Variants in KNTC1 observed in about 807,000 individuals in gnomAD.
KNTC1 encodes kinetochore associated 1.
KNTC1 carries 253 observed loss-of-function variants against 314.4 expected under a neutral mutation model. The observed-to-expected ratio is 0.80, with a 90% CI of 0.73 to 0.89. KNTC1 has a LOEUF of 0.89. Ranked by LOEUF, KNTC1 falls within the 40% of genes least tolerant of loss-of-function variation. The pLI is 0.00. For synonymous variants in KNTC1, 901 were observed against 901.4 expected, an observed-to-expected ratio of 1.00 and a Z score of 0.01; for missense variants, 2,475 against 2,572.9, an observed-to-expected ratio of 0.96 and a Z score of 0.82.
chr12:122,598,421 C>CTTTTTTTTTTTTTTT lies in KNTC1; in HGVS notation c.4563+486_4563+500dup, dbSNP rs11395342. On this transcript the variant is annotated intron_variant, in intron 44 of 63. Transcript: ENST00000333479. The stretch of plus-strand genomic sequence containing the variant: ...GAAATGTCTTTTTTCTTTTTCTTTT[C>CTTTTTTTTTTTTTTT]TTTTTTTTTTTTTTTTTGAGACAAG... 1.1e-3 allele frequency among the ~76,000 whole-genome samples: 142 copies of CTTTTTTTTTTTTTTT among 124,214 alleles called. 3 individuals carry two copies. The highest frequency in any genetic ancestry group is 1.5e-3 in the Non-Finnish European group (92 of 61,492). 81.5% of individuals were successfully genotyped at this position (124,214 alleles called of 152,430 possible).
chr12:122,613,273 A>G (rs1383706735), intron 54 of KNTC1, 43 bp downstream of exon 54: 2 of 1,316,800 alleles, frequency 1.5e-6, no homozygotes, highest in Admixed American at 1.8e-5. Context: ...TAGGAAACAG[A>G]TCATTTTTTG....
chr12:122,618,131 C>T (rs1340944888), intron 57 of KNTC1, among the ~76,000 whole-genome samples: 1 of 152,126 alleles, frequency 6.6e-6, no homozygotes, highest in East Asian at 1.9e-4. Flanking sequence ...ACCACCATGC[C>T]TGGCTAATTT....
At chr12:122,539,548 G>A in intron 4 of KNTC1, 128 bp from the exon 5 acceptor site, 1 of 627,868 alleles carries the variant, frequency 1.6e-6, no homozygotes, top group Non-Finnish European at 2.6e-6. Context: ...CATTTTAAAA[G>A]TAAGATGTTT....
intron 55 of KNTC1, 54 bp downstream of exon 55, chr12:122,613,815 G>GA: frequency 6.7e-7 from 1 of 1,503,418 alleles, no homozygotes; most frequent in Non-Finnish European, 8.9e-7. Context: ...TCAGAATCCT[G>GA]AAAGAGAAAA....
chr12:122,585,620 A>G lies in KNTC1; in HGVS notation c.3535-16A>G, dbSNP rs746248642. 61 of 1,612,044 alleles carry G rather than the reference A, an allele frequency of 3.8e-5. No individual in the cohort carries two copies. Among genetic ancestry groups the G allele is most frequent in the Middle Eastern group, 1.6e-4 (1 of 6,076 alleles). On this transcript the variant is annotated splice_polypyrimidine_tract_variant and intron_variant, in intron 36 of 63. Transcript: ENST00000333479. ...GCGTACTGAGTTCTCTCTTTTTTGTATGATTTGGCACCTAGGCTTCTTTTG... is the reference window on the plus strand; with the variant it reads ...GCGTACTGAGTTCTCTCTTTTTTGTGTGATTTGGCACCTAGGCTTCTTTTG...
In KNTC1 at chr12:122,573,131, T is replaced by C; in HGVS notation, c.2140-11T>C. On this transcript the variant is annotated splice_polypyrimidine_tract_variant and intron_variant, in intron 25 of 63. Transcript: ENST00000333479. ...AGTCTGTATTTATTCCATCTTTCTTTTGGCATCCAGGAAAATACAACCACC... is the reference window on the plus strand; with the variant it reads ...AGTCTGTATTTATTCCATCTTTCTTCTGGCATCCAGGAAAATACAACCACC... 1 of 1,613,814 alleles carries C rather than the reference T, an allele frequency of 6.2e-7. No individual in the cohort carries two copies. The highest frequency in any genetic ancestry group is 8.5e-7 in the Non-Finnish European group (1 of 1,179,846).
intron 44 of KNTC1, among the ~76,000 whole-genome samples, chr12:122,599,640 T>C (rs546452962): frequency 8.5e-5 from 13 of 152,296 alleles, no homozygotes; most frequent in African/African-American, 3.1e-4. Context: ...CATGAGCCAC[T>C]GTGCCCAGCC....
intron 13 of KNTC1, 60 bp from the exon 14 acceptor site, chr12:122,551,259 T>C: frequency 9.2e-7 from 1 of 1,092,880 alleles, no homozygotes; most frequent in Non-Finnish European, 1.4e-6. Flanking sequence ...GTTACTCTAG[T>C]AATTATAAAA....
rs1187145764 is a variant in KNTC1, at chr12:122,585,756, T to C, written c.3655T>C (p.Ser1219Pro). Residue 1219 changes from serine to proline, a missense_variant, in exon 37 of 64, where the codon TCT becomes CCT. Physicochemically the swap from Ser to Pro is moderately conservative, Grantham distance 74. Coordinates refer to ENST00000333479, the MANE Select transcript of KNTC1 (RefSeq NM_014708.6). ...VLPVIYELISSLVPLAESKRY... is the reference protein window; with the variant it reads ...VLPVIYELISPLVPLAESKRY... ...TCCAGTGATTTATGAACTGATTTCA[T>C]CTCTTGTGCCTCTAGCTGGTAAGTC... The C allele has an allele frequency of 6.2e-7, 1 of 1,613,820 alleles. No homozygotes were observed. The highest frequency in any genetic ancestry group is 1.7e-5 in the Admixed American group (1 of 60,024).
chr12:122,554,076 A>AAAATATATATAT (rs370146333), intron 16 of KNTC1, among the ~76,000 whole-genome samples: 4 of 109,064 alleles, frequency 3.7e-5, no homozygotes, highest in South Asian at 3.2e-4. Context: ...AAAAAAAAAA[A>AAAATATATATAT]ATATATATAT....
Position 122,622,503 on chromosome 12 carries a change from GT to G in KNTC1, c.6414del (p.Phe2138LeufsTer13). The G allele has an allele frequency of 6.3e-7, 1 of 1,583,688 alleles. No individual in the cohort carries two copies. Among genetic ancestry groups the G allele is most frequent in the Non-Finnish European group, 8.6e-7 (1 of 1,162,902 alleles). On this transcript the variant is annotated frameshift_variant, in exon 62 of 64. Coordinates refer to ENST00000333479, the MANE Select transcript of KNTC1 (RefSeq NM_014708.6). LOFTEE classifies it high-confidence loss of function. Reference sequence around the variant, plus strand: ...TGAATAATATCATCAATAAGAAGGAGTTTGGGATTTTGGCAAAGACCAAATA... The same window carrying G: ...TGAATAATATCATCAATAAGAAGGAGTTGGGATTTTGGCAAAGACCAAATA... Reference protein sequence around the residue: ...ILNNIINKKEFGILAKTKYFQ... With the variant: ...ILNNIINKKEXGILAKTKYFQ...
intron 6 of KNTC1, 39 bp downstream of exon 6, chr12:122,542,166 A>G: frequency 7.7e-7 from 1 of 1,291,518 alleles, no homozygotes. Context: ...GATTTGCAGC[A>G]ATATTTACTA....
intron 35 of KNTC1, 127 bp from the exon 36 acceptor site, chr12:122,584,766 A>G (rs1868989059): frequency 1.6e-6 from 1 of 613,306 alleles, no homozygotes. Context: ...AGTCAAAGCT[A>G]TATGGAACCT....
Position 122,597,863 on chromosome 12 carries a change from C to G in KNTC1, c.4488C>G (p.Ala1496=), listed in dbSNP as rs1871277665. ...AGCGGCGGCATCCCAAACTCCTGGCCAAAGCCCTTGAGATGGTTCCTTTAC... is the reference window on the plus strand; with the variant it reads ...AGCGGCGGCATCCCAAACTCCTGGCGAAAGCCCTTGAGATGGTTCCTTTAC... ...SAKRRHPKLL[A]KALEMVPLLT... Residue 1496 remains alanine (A), a synonymous_variant, in exon 44 of 64, where the codon GCC becomes GCG. Coordinates refer to ENST00000333479, the MANE Select transcript of KNTC1 (RefSeq NM_014708.6). 10 of 1,613,916 alleles carry G rather than the reference C, an allele frequency of 6.2e-6. No homozygotes were observed. The Admixed American group carries it at 1.5e-4, about 24-fold the overall frequency.
At position 122,626,349 on chromosome 12, in the gene KNTC1, C is replaced by A; in HGVS notation, c.*121C>A. On this transcript the variant is annotated 3_prime_UTR_variant, in exon 64 of 64. Coordinates refer to ENST00000333479, the MANE Select transcript of KNTC1 (RefSeq NM_014708.6). Reference sequence around the variant, plus strand: ...TTATAGCTATTTGTCTAACATTACCCCACATGTAATAAATAAAACAATATG... The same window carrying A: ...TTATAGCTATTTGTCTAACATTACCACACATGTAATAAATAAAACAATATG... The A allele has an allele frequency of 1.5e-6, 1 of 682,740 alleles. No individual in the cohort carries two copies. Among genetic ancestry groups the A allele is most frequent in the Non-Finnish European group, 2.6e-6 (1 of 390,880 alleles). The allele number at this position is 682,740 out of a possible 1,614,324, so 42.3% of individuals were successfully genotyped here. A position where few individuals can be genotyped will look rare whatever the true frequency, so the allele number is the denominator to read the frequency against.
At chr12:122,543,814 G>T (rs1962540602) in intron 7 of KNTC1, among the ~76,000 whole-genome samples, 180 bp downstream of exon 7, 1 of 151,940 alleles carries the variant, frequency 6.6e-6, no homozygotes, top group Non-Finnish European at 1.5e-5. Context: ...ACTTTGGGAG[G>T]CCAAGGGGGC....
At position 122,613,173 on chromosome 12, in the gene KNTC1, A is replaced by G. The variant is rs767236759; in HGVS notation, c.5684A>G (p.Tyr1895Cys). Residue 1895 changes from tyrosine to cysteine, a missense_variant, in exon 54 of 64, where the codon TAT becomes TGT. Transcript: ENST00000333479. ...HRTRALQCLF[Y>C]LADKETIESL... is the part of the protein sequence containing the mutation. The stretch of plus-strand genomic sequence containing the variant: ...ACTCGAGCTCTTCAGTGTCTCTTCT[A>G]TTTGGCTGACAAGGAAACTATAGAA... 1.2e-5 allele frequency: 19 copies of G among 1,613,438 alleles called. No individual in the cohort carries two copies. The East Asian group carries it at 1.3e-4, about 11-fold the overall frequency.
chr12:122,571,055 G>T lies in KNTC1; in HGVS notation c.1948G>T (p.Ala650Ser). ...TTGGCCAGAAAATGGACTTCAATTG[G>T]CAGAGATATTTTTTACAGCAGAAAA... ...ANWPENGLQLAEIFFTAEKTD... is the reference protein window; with the variant it reads ...ANWPENGLQLSEIFFTAEKTD... The change falls in exon 24 of 64, where the codon GCA (alanine) becomes TCA (serine). Residue 650 changes from alanine (A) to serine (S), a missense_variant. Transcript: ENST00000333479. 1.2e-6 allele frequency: 2 copies of T among 1,613,612 alleles called. No homozygotes were observed. Among genetic ancestry groups the T allele is most frequent in the South Asian group, 1.1e-5 (1 of 91,064 alleles).
At chr12:122,623,793 G>A (rs1239217381) in intron 62 of KNTC1, among the ~76,000 whole-genome samples, 1 of 152,126 alleles carries the variant, frequency 6.6e-6, no homozygotes, top group Non-Finnish European at 1.5e-5. Flanking sequence ...CTGGCCGGGC[G>A]CAGTGGCTTA....
Sources: gnomAD v4.1 joint callset for allele counts (sites outside exome capture counted in the v4.1 genomes callset) on GRCh38, gnomAD v4.1.1 for gene constraint, MANE v1.5 for transcripts, NCBI Gene and HGNC (gene_info 2026-07-23, HGNC 2026-07-21) for gene names.